Variants in EHMT1 observed in about 807,000 individuals in gnomAD.
EHMT1 encodes euchromatic histone lysine methyltransferase 1, also known as histone-lysine N-methyltransferase EHMT1.
In EHMT1, 15 loss-of-function variants were observed where a neutral mutation model predicts 147.2. The observed-to-expected ratio is 0.10, with a 90% CI of 0.07 to 0.16. The LOEUF (loss-of-function observed/expected upper bound fraction) is 0.16, where lower values mean the gene tolerates loss of function less well. Ranked by LOEUF, EHMT1 falls within the 10% of genes least tolerant of loss-of-function variation. The probability of loss-of-function intolerance (pLI) is 1.00; values close to 1 mark genes in which losing one functional copy is unlikely to be tolerated. For synonymous variants in EHMT1, 795 were observed against 709.6 expected, an observed-to-expected ratio of 1.12 and a Z score of -1.91; for missense variants, 1,587 against 1,772.4, an observed-to-expected ratio of 0.90 and a Z score of 1.88.
At chr9:137,766,706 T>C (rs538547145) in intron 10 of EHMT1, among the ~76,000 whole-genome samples, 6 of 152,390 alleles carry the variant, frequency 3.9e-5, no homozygotes, top group African/African-American at 1.4e-4. Flanking sequence ...TTTTGATTAA[T>C]GTTTGCACCG....
chr9:137,688,843 C>T (rs747688019), intron 1 of EHMT1, among the ~76,000 whole-genome samples: 19 of 152,258 alleles, frequency 1.2e-4, no homozygotes, highest in East Asian at 7.7e-4. Flanking sequence ...TGTCATCCAC[C>T]GAGTCTGCCC....
At chr9:137,620,741 T>G (rs1842902526) in intron 1 of EHMT1, among the ~76,000 whole-genome samples, 1 of 152,188 alleles carries the variant, frequency 6.6e-6, no homozygotes, top group Non-Finnish European at 1.5e-5. Context: ...ACTTGGCCAG[T>G]CGGTTGTAGG....
intron 1 of EHMT1, among the ~76,000 whole-genome samples, chr9:137,659,478 C>T (rs1236593549): frequency 6.6e-6 from 1 of 151,828 alleles, no homozygotes; most frequent in African/African-American, 2.4e-5. Context: ...CTCTTGGGCT[C>T]AAGCAGTCCT....
intron 1 of EHMT1, among the ~76,000 whole-genome samples, chr9:137,644,882 A>AT (rs963263062): frequency 2.1e-4 from 31 of 150,750 alleles, no homozygotes; most frequent in African/African-American, 2.9e-4. Context: ...ATTTATTATT[A>AT]TTTTTTTTAA....
chr9:137,656,611 G>T (rs1359692119), intron 1 of EHMT1, among the ~76,000 whole-genome samples: 1 of 152,158 alleles, frequency 6.6e-6, no homozygotes, highest in Non-Finnish European at 1.5e-5. Context: ...GCTGTGGACT[G>T]GAGGCAGGGG....
intron 4 of EHMT1, among the ~76,000 whole-genome samples, chr9:137,740,360 G>A (rs1018430744): frequency 2.6e-5 from 4 of 150,998 alleles, no homozygotes; most frequent in Non-Finnish European, 2.9e-5. Context: ...ATTCTCCTGT[G>A]CCAGATCCCA....
intron 10 of EHMT1, among the ~76,000 whole-genome samples, chr9:137,768,604 C>T (rs1950393963): frequency 9.0e-6 from 1 of 111,358 alleles, no homozygotes; most frequent in Non-Finnish European, 1.7e-5. Flanking sequence ...GGCTGGAGTG[C>T]AGTGGCGGGA....
At chr9:137,817,903 C>T (rs914864189) in intron 24 of EHMT1, 157 bp from the exon 25 acceptor site, 1 of 745,478 alleles carries the variant, frequency 1.3e-6, no homozygotes, top group South Asian at 1.5e-5. Context: ...CAGCTGAAAC[C>T]CCAGTTCAAC....
At chr9:137,781,211 GGTGA>G (rs1205013540) in intron 14 of EHMT1, among the ~76,000 whole-genome samples, 1 of 98,708 alleles carries the variant, frequency 1.0e-5, no homozygotes, top group Admixed American at 1.1e-4. Context: ...TGAGACGTGT[GGTGA>G]CGACGCTGGG....
chr9:137,726,014 C>T (rs531199294), intron 3 of EHMT1, among the ~76,000 whole-genome samples: 14 of 152,254 alleles, frequency 9.2e-5, no homozygotes, highest in African/African-American at 2.2e-4. Flanking sequence ...ATGGACCCAC[C>T]GAGCACTTTG....
chr9:137,652,842 C>T (rs1938007886), intron 1 of EHMT1, among the ~76,000 whole-genome samples: 1 of 151,866 alleles, frequency 6.6e-6, no homozygotes, highest in East Asian at 1.9e-4. Flanking sequence ...TTTCCTGCCT[C>T]AGTCTCCTGA....
chr9:137,650,899 A>G lies in EHMT1; in HGVS notation c.21+31850A>G, dbSNP rs561436725. 1.4e-4 allele frequency: 21 copies of G among 152,136 alleles called. No homozygotes were observed. The East Asian group carries it at 3.7e-3, about 27-fold the overall frequency. 9.4% of individuals were successfully genotyped at this position (152,136 alleles called of 1,614,324 possible). A position where few individuals can be genotyped will look rare whatever the true frequency, so the allele number is the denominator to read the frequency against. On this transcript the variant is annotated intron_variant, in intron 1 of 26. Coordinates refer to ENST00000460843, the MANE Select transcript of EHMT1 (RefSeq NM_024757.5). ...GCTGGTTGAACTCCTGGGCTCAAGC[A>G]ATCTTCCCGCTGCCATATGAATATG...
chr9:137,628,182 T>G (rs1843389690), intron 1 of EHMT1, among the ~76,000 whole-genome samples: 1 of 152,188 alleles, frequency 6.6e-6, no homozygotes, highest in Non-Finnish European at 1.5e-5. Context: ...CTTCTGTGTT[T>G]TCTGGGGTCA....
intron 10 of EHMT1, among the ~76,000 whole-genome samples, chr9:137,770,018 G>A (rs1236423800): frequency 6.6e-6 from 1 of 152,030 alleles, no homozygotes; most frequent in South Asian, 2.1e-4. Flanking sequence ...TGTATTTTTA[G>A]TAGAGACAGG....
chr9:137,777,821 G>C (rs909727942), intron 12 of EHMT1, 61 bp from the exon 13 acceptor site: 1 of 1,604,188 alleles, frequency 6.2e-7, no homozygotes, highest in East Asian at 2.2e-5. Context: ...CGGGCAGTCA[G>C]AGTCGGAACA....
intron 1 of EHMT1, among the ~76,000 whole-genome samples, chr9:137,633,862 C>T (rs1472016429): frequency 6.6e-6 from 1 of 150,872 alleles, no homozygotes; most frequent in Non-Finnish European, 1.5e-5. Context: ...GCTCTTGTCG[C>T]CTAGGCTGGA....
At chr9:137,735,324 A>T (rs1215618374) in intron 4 of EHMT1, among the ~76,000 whole-genome samples, 1 of 152,234 alleles carries the variant, frequency 6.6e-6, no homozygotes, top group Admixed American at 6.5e-5. Flanking sequence ...CATAAATTTA[A>T]ATTAGAATGT....
rs756950236 is a variant in EHMT1 at position 137,811,496 on chromosome 9, C to T, written c.2748C>T (p.Ser916=). 8.7e-6 allele frequency: 14 copies of T among 1,612,114 alleles called. No homozygotes were observed. The East Asian group carries it at 8.9e-5, about 10-fold the overall frequency. The change falls in exon 19 of 27, where the codon TCC becomes TCT. Residue 916 remains serine (S), a synonymous_variant. Coordinates refer to ENST00000460843, the MANE Select transcript of EHMT1 (RefSeq NM_024757.5). ...ENICLHWAAF[S]GCVDIAEILL... Reference sequence around the variant, plus strand: ...TTTGCCTGCACTGGGCGGCGTTCTCCGGCTGCGTGGACATAGCCGAGATCC... The same window carrying T: ...TTTGCCTGCACTGGGCGGCGTTCTCTGGCTGCGTGGACATAGCCGAGATCC...
At chr9:137,711,375 T>C (rs1161737477) in intron 2 of EHMT1, among the ~76,000 whole-genome samples, 1 of 152,124 alleles carries the variant, frequency 6.6e-6, no homozygotes, top group Non-Finnish European at 1.5e-5. Flanking sequence ...CCTCAGTTGA[T>C]AAGGAACTGG....
Sources: gnomAD v4.1 joint callset for allele counts (sites outside exome capture counted in the v4.1 genomes callset) on GRCh38, gnomAD v4.1.1 for gene constraint, MANE v1.5 for transcripts, NCBI Gene and HGNC (gene_info 2026-07-23, HGNC 2026-07-21) for gene names.